Variants in HMGA1 observed in about 807,000 individuals in gnomAD.
HMGA1 encodes the protein high mobility group protein HMG-I/HMG-Y.
In HMGA1, 1 loss-of-function variant was observed where a neutral mutation model predicts 15.1. The ratio of observed to expected loss-of-function variants is 0.07; its 90% confidence interval spans 0.02 to 0.31. The LOEUF (loss-of-function observed/expected upper bound fraction) is 0.31, where lower values mean the gene tolerates loss of function less well. Among genes scored for constraint, HMGA1 ranks in the 10% least tolerant of loss-of-function variants. The pLI, the probability that HMGA1 is intolerant of heterozygous loss-of-function variation, is 1.00. For missense variants in HMGA1, 94 were observed against 141.4 expected (o/e 0.66, Z 1.70); for synonymous variants, 56 against 54.8 (o/e 1.02, Z -0.10).
At chr6:34,242,507 C>T (rs1451118829) in intron 3 of HMGA1, among the ~76,000 whole-genome samples, 7 of 152,104 alleles carry the variant, frequency 4.6e-5, no homozygotes. Context: ...TAGAAACCTG[C>T]AGGGAAGCAA....
In HMGA1 at chr6:34,245,340, C is replaced by G. The variant is rs1041578049; in HGVS notation, c.*456C>G. On this transcript the variant is annotated 3_prime_UTR_variant, in exon 6 of 6. Transcript: ENST00000311487. ...CCTGGCCTTAAAAGGGGCCCAAGCCCCATCTCATCCTGGCACGCCCTACTC... is the reference window on the plus strand; with the variant it reads ...CCTGGCCTTAAAAGGGGCCCAAGCCGCATCTCATCCTGGCACGCCCTACTC... 7.3e-7 allele frequency: 1 copy of G among 1,364,906 alleles called. No individual in the cohort carries two copies. Among genetic ancestry groups the G allele is most frequent in the African/African-American group, 1.4e-5 (1 of 69,596 alleles). The allele number at this position is 1,364,906 out of a possible 1,614,324, so 84.5% of individuals were successfully genotyped here.
chr6:34,240,469 C>A (rs1762210612), intron 2 of HMGA1, among the ~76,000 whole-genome samples: 1 of 152,072 alleles, frequency 6.6e-6, no homozygotes, highest in Non-Finnish European at 1.5e-5. Context: ...ACCCCCCCCA[C>A]CACGCTGCAC....
rs1013080232 is a variant in HMGA1, at chr6:34,245,786, C to T, written c.*902C>T. 4.7e-6 allele frequency: 2 copies of T among 428,182 alleles called. No individual in the cohort carries two copies. The highest frequency in any genetic ancestry group is 4.5e-6 in the Non-Finnish European group (1 of 224,198). The allele number at this position is 428,182 out of a possible 1,614,324, so 26.5% of individuals were successfully genotyped here. A position where few individuals can be genotyped will look rare whatever the true frequency, so the allele number is the denominator to read the frequency against. The stretch of plus-strand genomic sequence containing the variant: ...AGCTCACCCTGCCCGCTCCCAACCC[C>T]CCTCCTGCTCCTCCCTGCCCCCCAA... On this transcript the variant is annotated 3_prime_UTR_variant, in exon 6 of 6. Coordinates refer to ENST00000311487, the MANE Select transcript of HMGA1 (RefSeq NM_145899.3).
Position 34,245,512 on chromosome 6 carries a change from C to G in HMGA1, c.*628C>G, listed in dbSNP as rs1356090550. On this transcript the variant is annotated 3_prime_UTR_variant, in exon 6 of 6. Coordinates refer to ENST00000311487, the MANE Select transcript of HMGA1 (RefSeq NM_145899.3). The stretch of plus-strand genomic sequence containing the variant: ...GTCCCCGTACTAGGTTGGACAGCCC[C>G]CTTCGGTTACAGGAAGGCAGGAGGG... 1 of 1,382,834 alleles carries G rather than the reference C, an allele frequency of 7.2e-7. No individual in the cohort carries two copies. Among genetic ancestry groups the G allele is most frequent in the African/African-American group, 1.4e-5 (1 of 69,768 alleles). 85.7% of individuals were successfully genotyped at this position (1,382,834 alleles called of 1,614,324 possible). A position where few individuals can be genotyped will look rare whatever the true frequency, so the allele number is the denominator to read the frequency against.
rs781327969 is a variant in HMGA1 at position 34,244,359 on chromosome 6, C to T, written c.271-472C>T. ...CCCACCCCGGCCTAGGGTCAGCCCT[C>T]GGCCACCCCGGAGGGCCAGGGCACC... On this transcript the variant is annotated intron_variant, in intron 5 of 5. Transcript: ENST00000311487. Among the ~76,000 whole-genome samples the T allele has an allele frequency of 8.0e-4, 122 of 152,226 alleles. 4 individuals are homozygous for T. Among genetic ancestry groups the T allele is most frequent in the Non-Finnish European group, 3.2e-4 (22 of 67,990 alleles).
chr6:34,245,230 C>T lies in HMGA1; in HGVS notation c.*346C>T. 1 of 1,389,084 alleles carries T rather than the reference C, an allele frequency of 7.2e-7. No individual in the cohort carries two copies. 86.0% of individuals were successfully genotyped at this position (1,389,084 alleles called of 1,614,324 possible). A position where few individuals can be genotyped will look rare whatever the true frequency, so the allele number is the denominator to read the frequency against. ...CACTCCCTTGGTGGTGGGGACATTG[C>T]TCTCTGGGCTTTTGGTTTGGGGGCG... On this transcript the variant is annotated 3_prime_UTR_variant, in exon 6 of 6. Coordinates refer to ENST00000311487, the MANE Select transcript of HMGA1 (RefSeq NM_145899.3).
Position 34,244,836 on chromosome 6 carries a change from G to A in HMGA1, c.276G>A (p.Lys92=), listed in dbSNP as rs528211015. 5.7e-6 allele frequency: 9 copies of A among 1,571,568 alleles called. No homozygotes were observed. Among genetic ancestry groups the A allele is most frequent in the South Asian group, 4.7e-5 (4 of 85,652 alleles). ...AACAACTGCCCACCTCACAGGAGAA[G>A]GAGGAAGAGGAGGGCATCTCGCAGG... ...KPRGRPKKLE[K]EEEEGISQES... is the part of the protein sequence containing the mutation. Residue 92 remains lysine (K), a synonymous_variant, in exon 6 of 6, where the codon AAG becomes AAA. Transcript: ENST00000311487.
chr6:34,244,997 C>T lies in HMGA1; in HGVS notation c.*113C>T, dbSNP rs1224870101. 1.2e-5 allele frequency: 18 copies of T among 1,544,936 alleles called. No homozygotes were observed. Among genetic ancestry groups the T allele is most frequent in the East Asian group, 2.5e-5 (1 of 40,742 alleles). On this transcript the variant is annotated 3_prime_UTR_variant, in exon 6 of 6. Coordinates refer to ENST00000311487, the MANE Select transcript of HMGA1 (RefSeq NM_145899.3). ...TCCCCAGGCCCACCATCACCACCGC[C>T]TCTGGCCGCCACCCCCATCTTCCAC...
At chr6:34,241,001 C>G (rs1395454292) in intron 3 of HMGA1, 86 bp downstream of exon 3, 1 of 1,465,960 alleles carries the variant, frequency 6.8e-7, no homozygotes, top group Non-Finnish European at 9.5e-7. Flanking sequence ...CGAGACCATG[C>G]ATGGAGGGTG....
Position 34,245,341 on chromosome 6 carries a change from C to T in HMGA1, c.*457C>T. The T allele has an allele frequency of 7.3e-7, 1 of 1,365,022 alleles. No homozygotes were observed. The highest frequency in any genetic ancestry group is 9.7e-7 in the Non-Finnish European group (1 of 1,036,010). 84.6% of individuals were successfully genotyped at this position (1,365,022 alleles called of 1,614,324 possible). ...CTGGCCTTAAAAGGGGCCCAAGCCC[C>T]ATCTCATCCTGGCACGCCCTACTCC... On this transcript the variant is annotated 3_prime_UTR_variant, in exon 6 of 6. Coordinates refer to ENST00000311487, the MANE Select transcript of HMGA1 (RefSeq NM_145899.3).
chr6:34,242,086 T>C (rs940664156), intron 3 of HMGA1, among the ~76,000 whole-genome samples: 7 of 152,208 alleles, frequency 4.6e-5, no homozygotes, highest in Non-Finnish European at 7.3e-5. Context: ...ACACACCTTA[T>C]ATGCATTATG....
chr6:34,240,624 G>A, intron 2 of HMGA1, 113 bp from the exon 3 acceptor site: 1 of 850,194 alleles, frequency 1.2e-6, no homozygotes, highest in Non-Finnish European at 1.9e-6. Flanking sequence ...TAGGAGGCCT[G>A]GGGGCCCATG....
Position 34,237,248 on chromosome 6 carries a change from T to C in HMGA1, c.-114T>C, listed in dbSNP as rs1451924128. On this transcript the variant is annotated 5_prime_UTR_variant, in exon 2 of 6. Coordinates refer to ENST00000311487, the MANE Select transcript of HMGA1 (RefSeq NM_145899.3). ...GGCGGCCGCGGCGGAGCCAGGCCGG[T>C]CCTCAGCGCCCAGCACCGCCGCTCC... is the stretch of plus-strand genomic sequence containing the variant. 2.7e-5 allele frequency: 4 copies of C among 147,430 alleles called. No homozygotes were observed. Among genetic ancestry groups the C allele is most frequent in the African/African-American group, 7.4e-5 (3 of 40,384 alleles). The allele number at this position is 147,430 out of a possible 1,614,324, so 9.1% of individuals were successfully genotyped here. A position where few individuals can be genotyped will look rare whatever the true frequency, so the allele number is the denominator to read the frequency against.
chr6:34,245,301 C>T lies in HMGA1; in HGVS notation c.*417C>T. Reference sequence around the variant, plus strand: ...TTCCCTCTGGCTTCCCATAGTGGGGCCTGGGAGGGTTCCCCTGGCCTTAAA... The same window carrying T: ...TTCCCTCTGGCTTCCCATAGTGGGGTCTGGGAGGGTTCCCCTGGCCTTAAA... On this transcript the variant is annotated 3_prime_UTR_variant, in exon 6 of 6. Transcript: ENST00000311487. The T allele has an allele frequency of 5.1e-6, 7 of 1,370,784 alleles. No homozygotes were observed. The highest frequency in any genetic ancestry group is 6.7e-6 in the Non-Finnish European group (7 of 1,039,486). 84.9% of individuals were successfully genotyped at this position (1,370,784 alleles called of 1,614,324 possible). A position where few individuals can be genotyped will look rare whatever the true frequency, so the allele number is the denominator to read the frequency against.
rs1561877857 is a variant in HMGA1, at chr6:34,244,929, T to C, written c.*45T>C. ...CCTCACTGGAGGAGCAGCTTCCTTC[T>C]GGGACTGGACAGCTTTGCTCCGCTC... is the stretch of plus-strand genomic sequence containing the variant. On this transcript the variant is annotated 3_prime_UTR_variant, in exon 6 of 6. Coordinates refer to ENST00000311487, the MANE Select transcript of HMGA1 (RefSeq NM_145899.3). The C allele has an allele frequency of 1.9e-6, 3 of 1,549,594 alleles. No individual in the cohort carries two copies. The highest frequency in any genetic ancestry group is 2.2e-4 in the Middle Eastern group (1 of 4,602).
chr6:34,243,323 G>T, intron 4 of HMGA1, 145 bp from the exon 5 acceptor site: 1 of 718,760 alleles, frequency 1.4e-6, no homozygotes, highest in Non-Finnish European at 2.5e-6. Flanking sequence ...GCCAGTCATT[G>T]CCAGCTGGAC....
rs941858972 is a variant in HMGA1, at chr6:34,244,719, C to G, written c.271-112C>G. ...GAGTCACCCACACACTCAGCCCTGA[C>G]TCATCCCTCTTCAGGAGAGCCAGGG... On this transcript the variant is annotated intron_variant, in intron 5 of 5. Coordinates refer to ENST00000311487, the MANE Select transcript of HMGA1 (RefSeq NM_145899.3). 6 of 850,792 alleles carry G rather than the reference C, an allele frequency of 7.1e-6. No homozygotes were observed. The African/African-American group carries it at 1.0e-4, about 14-fold the overall frequency. 52.7% of individuals were successfully genotyped at this position (850,792 alleles called of 1,614,324 possible).
chr6:34,239,342 C>T (rs1192033017), intron 2 of HMGA1, among the ~76,000 whole-genome samples: 4 of 151,652 alleles, frequency 2.6e-5, no homozygotes, highest in African/African-American at 9.7e-5. Context: ...CTCCTGACCT[C>T]AAGCAGTCCT....
rs1421114753 is a variant in HMGA1, at chr6:34,242,705, T to A, written c.136-7T>A. On this transcript the variant is annotated splice_region_variant and splice_polypyrimidine_tract_variant and intron_variant, in intron 3 of 5. Transcript: ENST00000311487. The stretch of plus-strand genomic sequence containing the variant: ...ACTGTCCCTGACTACCCCCTCTGTC[T>A]TTACAGAAGGAGCCCAGCGAAGTGC... 1.9e-6 allele frequency: 3 copies of A among 1,568,084 alleles called. No individual in the cohort carries two copies. The African/African-American group carries it at 4.1e-5, about 21-fold the overall frequency.
Sources: gnomAD v4.1 joint callset for allele counts (sites outside exome capture counted in the v4.1 genomes callset) on GRCh38, gnomAD v4.1.1 for gene constraint, MANE v1.5 for transcripts, NCBI Gene and HGNC (gene_info 2026-07-23, HGNC 2026-07-21) for gene names.